The following CLMN variants were observed in gnomAD, a reference collection of about 807,000 sequenced individuals.
CLMN encodes the protein calmin (calponin-like, transmembrane).
CLMN carries 57 observed loss-of-function variants against 92.7 expected under a neutral mutation model. That is an observed-to-expected ratio of 0.61 (90% CI 0.50 to 0.77). CLMN has a LOEUF of 0.77. Ranked by LOEUF, CLMN falls within the 30% of genes least tolerant of loss-of-function variation. The pLI, the probability that CLMN is intolerant of heterozygous loss-of-function variation, is 0.00. For synonymous variants in CLMN, 466 were observed against 470.6 expected (o/e 0.99, Z 0.13); for missense variants, 1,158 against 1,237.5 (o/e 0.94, Z 0.96).
rs1293786789 is a variant in CLMN, at chr14:95,189,329, GT to G, written c.*2234del. Reference sequence around the variant, plus strand: ...GAGACTTAGGGGACTGCTAGTTCTTGTTAAAAGCCTTATTGTATTTCTTTTA... The same window carrying G: ...GAGACTTAGGGGACTGCTAGTTCTTGTAAAAGCCTTATTGTATTTCTTTTA... On this transcript the variant is annotated 3_prime_UTR_variant, in exon 13 of 13. Coordinates refer to ENST00000298912, the MANE Select transcript of CLMN (RefSeq NM_024734.4). 4 of 152,296 alleles carry G rather than the reference GT, an allele frequency of 2.6e-5. No homozygotes were observed. The highest frequency in any genetic ancestry group is 1.3e-4 in the Admixed American group (2 of 15,300). The allele number at this position is 152,296 out of a possible 1,614,324, so 9.4% of individuals were successfully genotyped here. A position where few individuals can be genotyped will look rare whatever the true frequency, so the allele number is the denominator to read the frequency against.
chr14:95,258,430 T>C (rs140482749), intron 1 of CLMN, among the ~76,000 whole-genome samples: 18 of 149,758 alleles, frequency 1.2e-4, no homozygotes, highest in Admixed American at 4.0e-4. Flanking sequence ...AGGATGTGTT[T>C]GTATGTGTGG....
intron 1 of CLMN, among the ~76,000 whole-genome samples, chr14:95,289,150 G>C (rs1053083654): frequency 3.1e-4 from 47 of 152,162 alleles, no homozygotes; most frequent in African/African-American, 1.1e-3. Flanking sequence ...TACACCTAAG[G>C]TTAGGGCACT....
chr14:95,268,365 T>A (rs1419283973), intron 1 of CLMN, among the ~76,000 whole-genome samples: 2 of 147,618 alleles, frequency 1.4e-5, no homozygotes, highest in Admixed American at 6.7e-5. Context: ...CTGAAGGGAA[T>A]TATGCTATGT....
chr14:95,287,524 T>A (rs1371581941), intron 1 of CLMN, among the ~76,000 whole-genome samples: 1 of 152,138 alleles, frequency 6.6e-6, no homozygotes, highest in Non-Finnish European at 1.5e-5. Flanking sequence ...TGCAGTGCCA[T>A]GGTTGTTAAA....
rs527492495 is a variant in CLMN, at chr14:95,233,858, C to G, written c.83-3725G>C. Among the ~76,000 whole-genome samples, 127 of 152,400 alleles carry G rather than the reference C, an allele frequency of 8.3e-4. 1 individual carries two copies. In the South Asian group the frequency reaches 0.015, roughly 18 times the overall value. ...TCACTTCTGCTCTAGCCAAGGCCAG[C>G]AGGCTGGCCTGAGCACAAATCAGCT... On this transcript the variant is annotated intron_variant, in intron 1 of 12. Coordinates refer to ENST00000298912, the MANE Select transcript of CLMN (RefSeq NM_024734.4).
At position 95,310,528 on chromosome 14, in the gene CLMN, TG is replaced by T. The variant is rs1486548940; in HGVS notation, c.82+9182del. ...AAGGAAGAGGACATATTCACCCGTTTGGGGGATTAGGATGTGGACATCTTGC... is the reference window on the plus strand; with the variant it reads ...AAGGAAGAGGACATATTCACCCGTTTGGGGATTAGGATGTGGACATCTTGC... On this transcript the variant is annotated intron_variant, in intron 1 of 12. Transcript: ENST00000298912. 2.0e-5 allele frequency among the ~76,000 whole-genome samples: 3 copies of T among 152,316 alleles called. No individual in the cohort carries two copies. In the East Asian group the frequency reaches 5.8e-4, roughly 29 times the overall value.
intron 1 of CLMN, among the ~76,000 whole-genome samples, chr14:95,289,335 T>C (rs527751256): frequency 6.6e-6 from 1 of 151,860 alleles, no homozygotes; most frequent in South Asian, 2.1e-4. Flanking sequence ...TGCTAAAAAA[T>C]ACAAAAAATT....
rs761535542 is a variant in CLMN at position 95,202,945 on chromosome 14, T to G, written c.2404A>C (p.Arg802=). The change falls in exon 9 of 13, where the codon AGG becomes CGG. Residue 802 remains arginine, a synonymous_variant. Coordinates refer to ENST00000298912, the MANE Select transcript of CLMN (RefSeq NM_024734.4). ...GCTGGTGTGGTACCCACACCACCCC[T>G]GCTGAGATACAGCACCTGGTCGCTG... ...SASDQVLYLS[R]GGVGTTPASE... The G allele has an allele frequency of 1.1e-5, 18 of 1,613,726 alleles. No individual in the cohort carries two copies. In the East Asian group the frequency reaches 1.8e-4, roughly 16 times the overall value.
intron 1 of CLMN, among the ~76,000 whole-genome samples, chr14:95,288,948 A>C (rs1204676220): frequency 6.6e-6 from 1 of 152,224 alleles, no homozygotes; most frequent in African/African-American, 2.4e-5. Context: ...ACACACAAAG[A>C]ATCCACTGCA....
At chr14:95,224,408 G>A (rs1320986077) in intron 2 of CLMN, among the ~76,000 whole-genome samples, 1 of 152,064 alleles carries the variant, frequency 6.6e-6, no homozygotes, top group Non-Finnish European at 1.5e-5. Context: ...TCCGCCTCTC[G>A]AGGAGCTGGG....
At chr14:95,245,754 G>A (rs1181358015) in intron 1 of CLMN, among the ~76,000 whole-genome samples, 1 of 151,126 alleles carries the variant, frequency 6.6e-6, no homozygotes, top group African/African-American at 2.4e-5. Flanking sequence ...GTGGATGGAT[G>A]GATGAATGAA....
At chr14:95,318,608 ACCCACAGC>A (rs1901899753) in intron 1 of CLMN, among the ~76,000 whole-genome samples, 1 of 152,024 alleles carries the variant, frequency 6.6e-6, no homozygotes, top group Non-Finnish European at 1.5e-5. Context: ...GGGGGAGGGC[ACCCACAGC>A]CCCATCGCCT....
chr14:95,233,765 G>T (rs113116489), intron 1 of CLMN, among the ~76,000 whole-genome samples: 1 of 152,178 alleles, frequency 6.6e-6, no homozygotes, highest in Non-Finnish European at 1.5e-5. Context: ...AACAAGGCGG[G>T]GGGTGGCCAC....
chr14:95,225,234 C>T (rs920698444), intron 2 of CLMN, among the ~76,000 whole-genome samples: 1 of 151,952 alleles, frequency 6.6e-6, no homozygotes, highest in African/African-American at 2.4e-5. Flanking sequence ...CATTGCACCT[C>T]ACATGAGCCA....
chr14:95,255,506 G>T (rs146660492), intron 1 of CLMN, among the ~76,000 whole-genome samples: 2 of 152,280 alleles, frequency 1.3e-5, no homozygotes, highest in East Asian at 3.9e-4. Context: ...GCAGGAAAAA[G>T]CATAGTACAT....
intron 1 of CLMN, among the ~76,000 whole-genome samples, chr14:95,234,202 C>T (rs149397546): frequency 4.9e-4 from 74 of 152,260 alleles, no homozygotes; most frequent in East Asian, 7.7e-4. Context: ...AGGAATGCTA[C>T]GGAGATTAAA....
chr14:95,278,584 C>G (rs183565684), intron 1 of CLMN, among the ~76,000 whole-genome samples: 1 of 152,268 alleles, frequency 6.6e-6, no homozygotes, highest in Admixed American at 6.5e-5. Flanking sequence ...CTCTCAAATT[C>G]TAAGGCTTTG....
At chr14:95,208,857 C>T (rs1304906504) in intron 8 of CLMN, among the ~76,000 whole-genome samples, 3 of 152,188 alleles carry the variant, frequency 2.0e-5, no homozygotes, top group South Asian at 2.1e-4. Flanking sequence ...CTGCCTGGGA[C>T]GTGACTCGTT....
intron 1 of CLMN, among the ~76,000 whole-genome samples, chr14:95,282,523 C>G (rs1260522020): frequency 6.6e-6 from 1 of 152,164 alleles, no homozygotes; most frequent in Non-Finnish European, 1.5e-5. Flanking sequence ...GCAGGCTGAG[C>G]TGGTTCAGGC....
Sources: gnomAD v4.1 joint callset for allele counts (sites outside exome capture counted in the v4.1 genomes callset) on GRCh38, gnomAD v4.1.1 for gene constraint, MANE v1.5 for transcripts, NCBI Gene and HGNC (gene_info 2026-07-23, HGNC 2026-07-21) for gene names.